Variants in CSMD3 observed in about 807,000 individuals in gnomAD.
The protein encoded by CSMD3 is CUB and sushi domain-containing protein 3.
Under a neutral mutation model 435.2 loss-of-function variants are expected in CSMD3, and 177 were observed. That is an observed-to-expected ratio of 0.41 (90% CI 0.36 to 0.46). The LOEUF is 0.46. CSMD3 is among the 20% of genes least tolerant of loss of function. CSMD3 has a pLI of 0.34. For missense variants in CSMD3, 4,265 were observed against 4,504.6 expected (o/e 0.95, Z 1.52); for synonymous variants, 1,656 against 1,520.5 (o/e 1.09, Z -2.07).
At chr8:113,365,995 C>T (rs2133022661) in intron 1 of CSMD3, among the ~76,000 whole-genome samples, 1 of 151,982 alleles carries the variant, frequency 6.6e-6, no homozygotes, top group Non-Finnish European at 1.5e-5. Context: ...AAATATTTAG[C>T]CAAGAATACT....
chr8:112,322,518 A>T (rs140959286), intron 45 of CSMD3, among the ~76,000 whole-genome samples: 1 of 152,070 alleles, frequency 6.6e-6, no homozygotes, highest in African/African-American at 2.4e-5. Flanking sequence ...TACTTCAATA[A>T]GAACAACTCT....
chr8:112,460,872 A>G (rs1173378996), intron 32 of CSMD3, among the ~76,000 whole-genome samples: 1 of 152,166 alleles, frequency 6.6e-6, no homozygotes, highest in Non-Finnish European at 1.5e-5. Flanking sequence ...ATAAAGTTAT[A>G]AGAGAATACT....
intron 13 of CSMD3, among the ~76,000 whole-genome samples, chr8:112,726,129 A>G (rs1273188972): frequency 1.3e-5 from 2 of 151,948 alleles, no homozygotes; most frequent in African/African-American, 2.4e-5. Flanking sequence ...AGCTCACTCA[A>G]TATTAGGAGA....
chr8:112,818,349 T>C (rs2079437473), intron 12 of CSMD3, among the ~76,000 whole-genome samples: 1 of 152,158 alleles, frequency 6.6e-6, no homozygotes, highest in African/African-American at 2.4e-5. Context: ...AATATTTTGA[T>C]ATGAGATGGC....
At chr8:113,300,101 C>G (rs1345648155) in intron 2 of CSMD3, among the ~76,000 whole-genome samples, 1 of 143,886 alleles carries the variant, frequency 6.9e-6, no homozygotes, top group East Asian at 2.2e-4. Flanking sequence ...CTGCAGTAAG[C>G]CAATGTGGCA....
At chr8:113,291,564 T>C (rs940609718) in intron 2 of CSMD3, among the ~76,000 whole-genome samples, 3 of 151,942 alleles carry the variant, frequency 2.0e-5, no homozygotes, top group Non-Finnish European at 4.4e-5. Flanking sequence ...GTAGATAGAC[T>C]TTTTAATTTG....
intron 32 of CSMD3, among the ~76,000 whole-genome samples, chr8:112,412,412 C>T (rs534882159): frequency 6.6e-6 from 1 of 152,196 alleles, no homozygotes; most frequent in Non-Finnish European, 1.5e-5. Context: ...CCCTGCATCT[C>T]AGCTCCAAGC....
intron 5 of CSMD3, among the ~76,000 whole-genome samples, chr8:113,059,775 G>A (rs2088522936): frequency 6.6e-6 from 1 of 152,086 alleles, no homozygotes; most frequent in Admixed American, 6.6e-5. Context: ...CAGAGATTTA[G>A]AGAAGGTTCT....
chr8:112,320,784 C>T (rs1394618951), intron 45 of CSMD3, among the ~76,000 whole-genome samples: 1 of 152,072 alleles, frequency 6.6e-6, no homozygotes. Flanking sequence ...TAAAAATTTG[C>T]CCAAATCAAG....
At chr8:112,637,813 T>C (rs933106581) in intron 21 of CSMD3, among the ~76,000 whole-genome samples, 7 of 152,072 alleles carry the variant, frequency 4.6e-5, no homozygotes, top group African/African-American at 1.7e-4. Context: ...ACATTCTAGG[T>C]TATGTTCATT....
intron 36 of CSMD3, 131 bp from the exon 37 acceptor site, chr8:112,383,794 T>C: frequency 1.4e-6 from 1 of 698,956 alleles, no homozygotes; most frequent in East Asian, 2.7e-5. Flanking sequence ...ATAGAAGGGT[T>C]TTTAACAGAA....
chr8:113,324,851 G>C (rs1296538149), intron 1 of CSMD3, among the ~76,000 whole-genome samples: 1 of 152,180 alleles, frequency 6.6e-6, no homozygotes, highest in Admixed American at 6.5e-5. Context: ...CACAGGGGTG[G>C]AGCTGCCCAA....
intron 53 of CSMD3, among the ~76,000 whole-genome samples, chr8:112,300,691 T>C (rs1380368764): frequency 1.3e-5 from 2 of 152,134 alleles, no homozygotes; most frequent in East Asian, 3.9e-4. Context: ...TCCCTGTGTA[T>C]ATTCAAATAT....
intron 15 of CSMD3, among the ~76,000 whole-genome samples, chr8:112,683,654 T>C (rs1028016002): frequency 1.3e-5 from 2 of 152,038 alleles, no homozygotes; most frequent in African/African-American, 4.8e-5. Flanking sequence ...TATTACAATA[T>C]AAATGGAAGA....
intron 5 of CSMD3, among the ~76,000 whole-genome samples, chr8:113,023,388 T>A (rs2086755632): frequency 6.6e-6 from 1 of 151,916 alleles, no homozygotes; most frequent in African/African-American, 2.4e-5. Flanking sequence ...TTTCCTCTAA[T>A]TTTACTTGTC....
intron 11 of CSMD3, among the ~76,000 whole-genome samples, chr8:112,835,843 T>C (rs1479348758): frequency 6.6e-6 from 1 of 151,724 alleles, no homozygotes; most frequent in Non-Finnish European, 1.5e-5. Flanking sequence ...ACAAGGTAAA[T>C]GGATTCTATT....
At chr8:112,454,693 G>T (rs1816648749) in intron 32 of CSMD3, among the ~76,000 whole-genome samples, 1 of 152,004 alleles carries the variant, frequency 6.6e-6, no homozygotes, top group African/African-American at 2.4e-5. Flanking sequence ...ATTTTCCAAA[G>T]AACTTAAAAA....
intron 32 of CSMD3, among the ~76,000 whole-genome samples, chr8:112,455,589 A>G (rs1384402786): frequency 4.7e-5 from 5 of 106,918 alleles, no homozygotes; most frequent in Non-Finnish European, 7.6e-5. Context: ...AAAAATAAGT[A>G]AGTAAATAAA....
At chr8:112,494,415 C>CTTTTCT (rs781043534) in intron 30 of CSMD3, among the ~76,000 whole-genome samples, 1 of 149,448 alleles carries the variant, frequency 6.7e-6, no homozygotes, top group Non-Finnish European at 1.5e-5. Context: ...CTTTTCTTTT[C>CTTTTCT]TTTCTTTCTC....
Sources: gnomAD v4.1 joint callset for allele counts (sites outside exome capture counted in the v4.1 genomes callset) on GRCh38, gnomAD v4.1.1 for gene constraint, MANE v1.5 for transcripts, NCBI Gene and HGNC (gene_info 2026-07-23, HGNC 2026-07-21) for gene names.